Variants in ULK4 observed in about 807,000 individuals in gnomAD.
ULK4 encodes the protein unc-51 like kinase 4.
ULK4 carries 133 observed loss-of-function variants against 160.6 expected under a neutral mutation model. That is an observed-to-expected ratio of 0.83 (90% CI 0.72 to 0.96). The LOEUF (loss-of-function observed/expected upper bound fraction) is 0.96, where lower values mean the gene tolerates loss of function less well. Among genes scored for constraint, ULK4 ranks in the 40% least tolerant of loss-of-function variants. The probability of loss-of-function intolerance (pLI) is 0.00; values close to 1 mark genes in which losing one functional copy is unlikely to be tolerated. For synonymous variants in ULK4, 534 were observed against 539.8 expected, an observed-to-expected ratio of 0.99 and a Z score of 0.15; for missense variants, 1,580 against 1,499.5, an observed-to-expected ratio of 1.05 and a Z score of -0.89.
intron 32 of ULK4, among the ~76,000 whole-genome samples, chr3:41,478,068 T>C (rs2084200632): frequency 6.6e-6 from 1 of 152,162 alleles, no homozygotes; most frequent in Non-Finnish European, 1.5e-5. Context: ...AACTCTGCAG[T>C]CCCTTTGGCC....
chr3:41,407,091 T>C (rs1053554520), intron 34 of ULK4, among the ~76,000 whole-genome samples: 14 of 152,066 alleles, frequency 9.2e-5, no homozygotes, highest in Admixed American at 5.9e-4. Context: ...CTAGAGTTGA[T>C]AAGACAAAGT....
At chr3:41,441,267 T>C (rs959037522) in intron 34 of ULK4, among the ~76,000 whole-genome samples, 28 of 152,242 alleles carry the variant, frequency 1.8e-4, no homozygotes, top group Non-Finnish European at 7.4e-5. Context: ...CAAACTTTTC[T>C]AAAAGAGGAG....
intron 35 of ULK4, among the ~76,000 whole-genome samples, chr3:41,290,672 G>A (rs2079542886): frequency 6.6e-6 from 1 of 152,164 alleles, no homozygotes; most frequent in African/African-American, 2.4e-5. Context: ...ACATTATAAA[G>A]TATGTGCCAG....
chr3:41,797,835 T>C (rs2040347445), intron 20 of ULK4, among the ~76,000 whole-genome samples: 1 of 149,620 alleles, frequency 6.7e-6, no homozygotes, highest in Middle Eastern at 3.2e-3. Flanking sequence ...CACTCCAGCC[T>C]GGGTGACAAG....
Position 41,952,512 on chromosome 3 carries a change from CAAT to C in ULK4, c.138+2107_138+2109del, listed in dbSNP as rs542697514. Among the ~76,000 whole-genome samples the C allele has an allele frequency of 2.3e-3, 353 of 152,046 alleles. 2 individuals carry two copies. Among genetic ancestry groups the C allele is most frequent in the South Asian group, 7.1e-3 (34 of 4,822 alleles). On this transcript the variant is annotated intron_variant, in intron 2 of 36. Coordinates refer to ENST00000301831, the MANE Select transcript of ULK4 (RefSeq NM_017886.4). Reference sequence around the variant, plus strand: ...ATTAGGGAAATGCAAATCAAAACAACAATGAGATACCACCTCACACCCATTAGG... The same window carrying C: ...ATTAGGGAAATGCAAATCAAAACAACGAGATACCACCTCACACCCATTAGG...
At chr3:41,491,246 T>A (rs2084750485) in intron 32 of ULK4, among the ~76,000 whole-genome samples, 1 of 152,152 alleles carries the variant, frequency 6.6e-6, no homozygotes, top group African/African-American at 2.4e-5. Flanking sequence ...TAATTCAAAG[T>A]AATTGCCATA....
intron 32 of ULK4, among the ~76,000 whole-genome samples, chr3:41,557,056 T>C (rs1170418601): frequency 1.3e-5 from 2 of 152,064 alleles, no homozygotes; most frequent in Non-Finnish European, 2.9e-5. Flanking sequence ...ACTCAAACAC[T>C]AGGATGGGTT....
At chr3:41,446,524 C>T (rs1575230863) in intron 34 of ULK4, among the ~76,000 whole-genome samples, 4 of 152,126 alleles carry the variant, frequency 2.6e-5, no homozygotes, top group South Asian at 4.2e-4. Flanking sequence ...GGCACATATA[C>T]ACCATGGAAT....
intron 25 of ULK4, among the ~76,000 whole-genome samples, chr3:41,709,280 C>A (rs1458139078): frequency 1.3e-5 from 2 of 151,920 alleles, no homozygotes; most frequent in East Asian, 3.9e-4. Context: ...TAAAGAAAAT[C>A]AGAAAGCCTA....
chr3:41,325,502 A>T (rs2080323113), intron 35 of ULK4, among the ~76,000 whole-genome samples: 1 of 152,234 alleles, frequency 6.6e-6, no homozygotes, highest in Non-Finnish European at 1.5e-5. Context: ...AAATTCTAGA[A>T]TATACGTTAT....
chr3:41,834,428 A>G (rs2041693880), intron 18 of ULK4, among the ~76,000 whole-genome samples: 1 of 152,222 alleles, frequency 6.6e-6, no homozygotes, highest in Non-Finnish European at 1.5e-5. Context: ...GATATTAGTT[A>G]TCAAATTTAT....
rs1457505451 is a variant in ULK4 at position 41,721,603 on chromosome 3, T to A, written c.2322-3742A>T. ...GGCTGGTCTTCAACTTCTGACCTCGTGATCCACCCGCCTCAGCCTCCCAAA... is the reference window on the plus strand; with the variant it reads ...GGCTGGTCTTCAACTTCTGACCTCGAGATCCACCCGCCTCAGCCTCCCAAA... On this transcript the variant is annotated intron_variant, in intron 22 of 36. Coordinates refer to ENST00000301831, the MANE Select transcript of ULK4 (RefSeq NM_017886.4). Among the ~76,000 whole-genome samples the A allele has an allele frequency of 2.0e-5, 3 of 151,796 alleles. No homozygotes were observed. The East Asian group carries it at 5.8e-4, about 30-fold the overall frequency.
intron 31 of ULK4, among the ~76,000 whole-genome samples, chr3:41,613,639 T>C (rs923983277): frequency 1.3e-5 from 2 of 152,302 alleles, no homozygotes; most frequent in African/African-American, 4.8e-5. Context: ...ATTTCATCGA[T>C]TGAAAAATGT....
chr3:41,468,419 T>TA (rs2083889378), intron 32 of ULK4, among the ~76,000 whole-genome samples: 2 of 152,048 alleles, frequency 1.3e-5, no homozygotes, highest in Admixed American at 1.3e-4. Flanking sequence ...CACGACAATG[T>TA]AAAGTAATGG....
rs200264697 is a variant in ULK4 at position 41,705,074 on chromosome 3, T to A, written c.2764A>T (p.Lys922Ter). 1.9e-5 allele frequency: 31 copies of A among 1,611,594 alleles called. No individual in the cohort carries two copies. The highest frequency in any genetic ancestry group is 3.4e-6 in the Non-Finnish European group (4 of 1,179,342). ...GAACTGACCGTGGAGCGATAGTCTTTCAATAAAATAGGATACTGTATTATT... is the reference window on the plus strand; with the variant it reads ...GAACTGACCGTGGAGCGATAGTCTTACAATAAAATAGGATACTGTATTATT... ...EAIIQYPILL[K>*]DYRSTVVDYI... The change falls in exon 27 of 37, where the codon AAA becomes TAA. Residue 922 changes from lysine to a stop codon, truncating the protein, a stop_gained. Transcript: ENST00000301831. LOFTEE classifies it high-confidence loss of function.
chr3:41,343,294 A>ATT (rs2080724774), intron 35 of ULK4, among the ~76,000 whole-genome samples: 1 of 136,122 alleles, frequency 7.3e-6, no homozygotes, highest in African/African-American at 3.0e-5. Context: ...CAGCCCAAAA[A>ATT]CTTTTTTTTT....
intron 17 of ULK4, among the ~76,000 whole-genome samples, chr3:41,856,605 G>GTATATATATACACATATATATATATGTA (rs1559611413): frequency 2.8e-5 from 2 of 70,578 alleles, no homozygotes; most frequent in African/African-American, 7.1e-5. Flanking sequence ...ATATATATGT[G>GTATATATATACACATATATATATATGTA]TATATATATA....
intron 15 of ULK4, among the ~76,000 whole-genome samples, chr3:41,896,529 C>T (rs1470729982): frequency 3.3e-5 from 5 of 152,196 alleles, no homozygotes; most frequent in Non-Finnish European, 7.3e-5. Flanking sequence ...GCTGGGATTA[C>T]AGGCATGAGC....
intron 34 of ULK4, among the ~76,000 whole-genome samples, chr3:41,401,696 T>C (rs1017768640): frequency 1.3e-5 from 2 of 152,142 alleles, no homozygotes; most frequent in African/African-American, 4.8e-5. Flanking sequence ...CTTGGACCCT[T>C]GATGATCCTT....
Sources: gnomAD v4.1 joint callset for allele counts (sites outside exome capture counted in the v4.1 genomes callset) on GRCh38, gnomAD v4.1.1 for gene constraint, MANE v1.5 for transcripts, NCBI Gene and HGNC (gene_info 2026-07-23, HGNC 2026-07-21) for gene names.